ZNF462: variants seen among roughly 807,000 people sequenced by gnomAD.
ZNF462 encodes the protein zinc finger PBX1-interacting protein.
A neutral mutation model predicts 201.9 loss-of-function variants in ZNF462; 10 were observed. The observed-to-expected ratio is 0.05, with a 90% CI of 0.03 to 0.08. The LOEUF is 0.08. Among genes scored for constraint, ZNF462 ranks in the 10% least tolerant of loss-of-function variants. The probability of loss-of-function intolerance (pLI) is 1.00; values close to 1 mark genes in which losing one functional copy is unlikely to be tolerated. For missense variants in ZNF462, 2,523 were observed against 3,168.3 expected, an observed-to-expected ratio of 0.80 and a Z score of 4.89; for synonymous variants, 1,227 against 1,193.3, an observed-to-expected ratio of 1.03 and a Z score of -0.58.
At chr9:106,996,797 C>T (rs191993155) in intron 10 of ZNF462, among the ~76,000 whole-genome samples, 62 of 152,108 alleles carry the variant, frequency 4.1e-4, no homozygotes, top group Middle Eastern at 3.4e-3. Flanking sequence ...AGTCTTTATA[C>T]CTTATGATCT....
At chr9:106,969,190 G>A (rs557556554) in intron 7 of ZNF462, among the ~76,000 whole-genome samples, 44 of 152,120 alleles carry the variant, frequency 2.9e-4, no homozygotes, top group African/African-American at 1.0e-3. Context: ...GGATTTGCTT[G>A]TTTTTGTCAA....
At chr9:106,937,303 T>G (rs1247563201) in intron 6 of ZNF462, among the ~76,000 whole-genome samples, 1 of 152,162 alleles carries the variant, frequency 6.6e-6, no homozygotes, top group Non-Finnish European at 1.5e-5. Flanking sequence ...GAAGGCTTAA[T>G]TACAGAACTT....
chr9:106,911,331 G>A lies in ZNF462; in HGVS notation c.-30-12023G>A, dbSNP rs754835136. ...TAGCTATTATTGCATTCATCCAGTC[G>A]GCAGCATTTTAAAATAGGGCTCCAA... On this transcript the variant is annotated intron_variant, in intron 1 of 12. Coordinates refer to ENST00000277225, the MANE Select transcript of ZNF462 (RefSeq NM_021224.6). Among the ~76,000 whole-genome samples the A allele has an allele frequency of 4.6e-5, 7 of 152,212 alleles. 1 individual carries two copies. The South Asian group carries it at 1.2e-3, about 27-fold the overall frequency.
intron 6 of ZNF462, among the ~76,000 whole-genome samples, chr9:106,936,270 G>A (rs1830627374): frequency 6.6e-6 from 1 of 152,160 alleles, no homozygotes; most frequent in African/African-American, 2.4e-5. Flanking sequence ...CCACCAGGCT[G>A]TGCACTAGGC....
At chr9:106,916,753 G>A (rs747087412) in intron 1 of ZNF462, among the ~76,000 whole-genome samples, 1 of 152,150 alleles carries the variant, frequency 6.6e-6, no homozygotes, top group Non-Finnish European at 1.5e-5. Flanking sequence ...ATGATGAGCT[G>A]GAATCTCATT....
intron 1 of ZNF462, among the ~76,000 whole-genome samples, chr9:106,877,688 A>G (rs1205588361): frequency 6.6e-6 from 1 of 152,108 alleles, no homozygotes; most frequent in Non-Finnish European, 1.5e-5. Flanking sequence ...CCAGAATGTT[A>G]CTATTTTTTA....
Position 106,885,789 on chromosome 9 carries a change from A to C in ZNF462, c.-31+22434A>C, listed in dbSNP as rs1393251073. ...GGACAACTTGAAGTGGCTATCTTGCACATGGGACTGATGTTGAGGACTGCT... is the reference window on the plus strand; with the variant it reads ...GGACAACTTGAAGTGGCTATCTTGCCCATGGGACTGATGTTGAGGACTGCT... On this transcript the variant is annotated intron_variant, in intron 1 of 12. Transcript: ENST00000277225. This position sits in a 1 kb window ranked among gnomAD's most constrained non-coding sequence, Gnocchi z 4.1. Among the ~76,000 whole-genome samples the C allele has an allele frequency of 6.6e-6, 1 of 152,214 alleles. No homozygotes were observed. Among genetic ancestry groups the C allele is most frequent in the Non-Finnish European group, 1.5e-5 (1 of 68,026 alleles).
rs540457853 is a variant in ZNF462 at position 106,875,058 on chromosome 9, T to G, written c.-31+11703T>G. Among the ~76,000 whole-genome samples, 6 of 152,314 alleles carry G rather than the reference T, an allele frequency of 3.9e-5. 1 individual carries two copies. The highest frequency in any genetic ancestry group is 1.4e-4 in the African/African-American group (6 of 41,568). Reference sequence around the variant, plus strand: ...CCCCATTTCTAGACATCAACTACAATTATCAAAATTGACCCCAGCATAGGT... The same window carrying G: ...CCCCATTTCTAGACATCAACTACAAGTATCAAAATTGACCCCAGCATAGGT... On this transcript the variant is annotated intron_variant, in intron 1 of 12. Transcript: ENST00000277225.
rs1829122886 is a variant in ZNF462 at position 106,902,903 on chromosome 9, TTTTG to T, written c.-30-20438_-30-20435del. Among the ~76,000 whole-genome samples, 1 of 152,158 alleles carries T rather than the reference TTTTG, an allele frequency of 6.6e-6. No individual in the cohort carries two copies. Among genetic ancestry groups the T allele is most frequent in the African/African-American group, 2.4e-5 (1 of 41,444 alleles). ...TTGTTTCATTTATCTTTTGTGTTTT[TTTTG>T]TTTGTTTGTTTGAATTTCATTTAGT... On this transcript the variant is annotated intron_variant, in intron 1 of 12. Transcript: ENST00000277225. This position sits in a 1 kb window ranked among gnomAD's most constrained non-coding sequence, Gnocchi z 4.2.
chr9:106,862,959 T>C (rs1005329709), upstream of ZNF462: 5 of 395,662 alleles, frequency 1.3e-5, no homozygotes, highest in Admixed American at 2.2e-4. This position sits in a 1 kb window ranked among gnomAD's most constrained non-coding sequence, Gnocchi z 4.2. Flanking sequence ...CCTTCTCTCT[T>C]TCTGTCTTGC....
rs1830370320 is a variant in ZNF462 at position 106,930,257 on chromosome 9, A to G, written c.5848-268A>G. Among the ~76,000 whole-genome samples, 1 of 152,174 alleles carries G rather than the reference A, an allele frequency of 6.6e-6. No individual in the cohort carries two copies. Among genetic ancestry groups the G allele is most frequent in the Non-Finnish European group, 1.5e-5 (1 of 68,030 alleles). On this transcript the variant is annotated intron_variant, in intron 3 of 12. Transcript: ENST00000277225. The surrounding 1 kb of genome is among the most constrained non-coding windows in gnomAD (Gnocchi z 5.8). ...TAGTTGAAACTGGTTTGAAAACCAG[A>G]TGACTTAGTGGCAGTGACGATGAGC...
chr9:106,889,816 C>T lies in ZNF462; in HGVS notation c.-31+26461C>T, dbSNP rs189344468. 2.3e-3 allele frequency among the ~76,000 whole-genome samples: 356 copies of T among 152,250 alleles called. 2 individuals carry two copies. Among genetic ancestry groups the T allele is most frequent in the African/African-American group, 7.9e-3 (329 of 41,550 alleles). On this transcript the variant is annotated intron_variant, in intron 1 of 12. Transcript: ENST00000277225. ...ATTACCACCACCACTAGAAGTGGTG[C>T]GTTTTAATGCATTTTATTTGGCTTA...
chr9:106,896,331 A>G (rs989446526), intron 1 of ZNF462, among the ~76,000 whole-genome samples: 2 of 152,166 alleles, frequency 1.3e-5, no homozygotes, highest in Non-Finnish European at 2.9e-5. Context: ...GCTCAATCGA[A>G]AATGATTTTT....
At chr9:106,987,303 GT>G (rs1431563137) in intron 10 of ZNF462, among the ~76,000 whole-genome samples, 2 of 151,960 alleles carry the variant, frequency 1.3e-5, no homozygotes, top group Non-Finnish European at 2.9e-5. Flanking sequence ...TTCGCTCTTC[GT>G]TGCATCCATG....
intron 1 of ZNF462, among the ~76,000 whole-genome samples, chr9:106,910,361 A>AGTT (rs1358041395): frequency 1.4e-4 from 7 of 50,066 alleles, no homozygotes; most frequent in African/African-American, 5.7e-4. Flanking sequence ...CCCTTGTTTT[A>AGTT]GTTTTTTTTT....
At chr9:106,983,569 A>C (rs1420219059) in intron 9 of ZNF462, among the ~76,000 whole-genome samples, 2 of 152,226 alleles carry the variant, frequency 1.3e-5, no homozygotes, top group African/African-American at 4.8e-5. Flanking sequence ...GAAATAATAG[A>C]TTTACAGTTA....
chr9:106,932,436 G>A lies in ZNF462; in HGVS notation c.6013-10G>A. On this transcript the variant is annotated splice_polypyrimidine_tract_variant and intron_variant, in intron 4 of 12. Coordinates refer to ENST00000277225, the MANE Select transcript of ZNF462 (RefSeq NM_021224.6). This position sits in a 1 kb window ranked among gnomAD's most constrained non-coding sequence, Gnocchi z 6.8. ...GCAGTCAATGTGACAGAGTCCTGAT[G>A]TCCATGCAGGGGCTGCGTTCTCATG... 1 of 1,614,246 alleles carries A rather than the reference G, an allele frequency of 6.2e-7. No individual in the cohort carries two copies. The highest frequency in any genetic ancestry group is 1.6e-4 in the Middle Eastern group (1 of 6,062).
In ZNF462 at chr9:106,926,328, A is replaced by G; in HGVS notation, c.2416A>G (p.Asn806Asp). ...AGAGGATTATTATGGCTCCTCAACA[A>G]ACTTGAAAGATCACCAAGTTTCCAA... Reference protein sequence around the residue: ...DEEDYYGSSTNLKDHQVSNTA... With the variant: ...DEEDYYGSSTDLKDHQVSNTA... Residue 806 changes from asparagine (N) to aspartate (D), a missense_variant, in exon 3 of 13, where the codon AAC (asparagine) becomes GAC (aspartate). Asn to Asp is a conservative substitution (Grantham distance 23). This residue lies in a region of ZNF462 where 383 missense variants were observed against 453.4 expected (regional missense o/e 0.84). Transcript: ENST00000277225. This position sits in a 1 kb window ranked among gnomAD's most constrained non-coding sequence, Gnocchi z 7.9. 1.2e-6 allele frequency: 2 copies of G among 1,614,184 alleles called. No homozygotes were observed. The highest frequency in any genetic ancestry group is 8.5e-7 in the Non-Finnish European group (1 of 1,180,026).
Position 106,932,513 on chromosome 9 carries a change from G to A in ZNF462, c.6080G>A (p.Cys2027Tyr). The A allele has an allele frequency of 6.2e-7, 1 of 1,614,242 alleles. No individual in the cohort carries two copies. Among genetic ancestry groups the A allele is most frequent in the Non-Finnish European group, 8.5e-7 (1 of 1,180,048 alleles). ...AMFTREDKYS[C>Y]QYCSFVSAFR... Reference sequence around the variant, plus strand: ...TTTACCCGCGAGGACAAGTACAGCTGCCAGTATTGCTCGTTTGTTTCTGCT... The same window carrying A: ...TTTACCCGCGAGGACAAGTACAGCTACCAGTATTGCTCGTTTGTTTCTGCT... Residue 2027 changes from cysteine (C) to tyrosine (Y), a missense_variant, in exon 5 of 13, where the codon TGC becomes TAC. Cys to Tyr is a radical substitution (Grantham distance 194). Around this residue, in one of 15 missense-constraint regions of ZNF462, gnomAD observed 107 missense variants for 187.7 expected, o/e 0.57. Coordinates refer to ENST00000277225, the MANE Select transcript of ZNF462 (RefSeq NM_021224.6). This position sits in a 1 kb window ranked among gnomAD's most constrained non-coding sequence, Gnocchi z 6.8.
Sources: gnomAD v4.1 joint callset for allele counts (sites outside exome capture counted in the v4.1 genomes callset) on GRCh38, gnomAD v4.1.1 for gene constraint, gnomAD v4.1.1 regional missense constraint, Gnocchi (gnomAD v3.1) non-coding constraint, MANE v1.5 for transcripts, NCBI Gene and HGNC (gene_info 2026-07-23, HGNC 2026-07-21) for gene names.